GPC5: variants seen among roughly 807,000 people sequenced by gnomAD.
GPC5 encodes the protein glypican-5.
In GPC5, 47 loss-of-function variants were observed where a neutral mutation model predicts 53.9. The observed-to-expected ratio is 0.87, with a 90% CI of 0.69 to 1.11. The LOEUF (loss-of-function observed/expected upper bound fraction) is 1.11, where lower values mean the gene tolerates loss of function less well. Ranked by LOEUF, GPC5 falls within the 50% of genes most tolerant of loss-of-function variation. GPC5 has a pLI of 0.00. For missense variants in GPC5, 748 were observed against 713.1 expected, an observed-to-expected ratio of 1.05 and a Z score of -0.56; for synonymous variants, 286 against 263.3, an observed-to-expected ratio of 1.09 and a Z score of -0.84.
At chr13:91,888,426 T>C (rs1435266637) in intron 5 of GPC5, among the ~76,000 whole-genome samples, 1 of 152,212 alleles carries the variant, frequency 6.6e-6, no homozygotes, top group Non-Finnish European at 1.5e-5. Flanking sequence ...ATTAGTTTAT[T>C]ATTCTACCTT....
intron 7 of GPC5, among the ~76,000 whole-genome samples, chr13:92,400,861 G>A (rs190516341): frequency 2.6e-5 from 4 of 152,082 alleles, no homozygotes; most frequent in African/African-American, 9.6e-5. Context: ...CAAATAAAAT[G>A]TTGTCTGAAC....
At chr13:91,996,319 C>T (rs1458371045) in intron 6 of GPC5, 1 of 152,264 alleles carries the variant, frequency 6.6e-6, no homozygotes, top group South Asian at 2.1e-4. Flanking sequence ...CAAACATCTT[C>T]TCTCTAGCCC....
At chr13:91,884,154 G>A (rs1001483404) in intron 5 of GPC5, among the ~76,000 whole-genome samples, 2 of 152,152 alleles carry the variant, frequency 1.3e-5, no homozygotes, top group Non-Finnish European at 2.9e-5. Context: ...TGGTGGGAGT[G>A]TAAATTAGTT....
intron 7 of GPC5, among the ~76,000 whole-genome samples, chr13:92,833,550 G>A (rs1878122172): frequency 6.6e-6 from 1 of 152,104 alleles, no homozygotes; most frequent in Admixed American, 6.6e-5. Context: ...TCTGCACTGT[G>A]AAATATGGCA....
chr13:92,058,883 G>A (rs1181993900), intron 6 of GPC5, among the ~76,000 whole-genome samples: 2 of 152,116 alleles, frequency 1.3e-5, no homozygotes, highest in South Asian at 2.1e-4. Context: ...CACAAAGATT[G>A]GAGCAAATGT....
In GPC5 at chr13:91,478,828, C is replaced by T. The variant is rs1370184017; in HGVS notation, c.325+29906C>T. Among the ~76,000 whole-genome samples, 22 of 56,040 alleles carry T rather than the reference C, an allele frequency of 3.9e-4. 1 individual carries two copies. The highest frequency in any genetic ancestry group is 6.1e-4 in the East Asian group (1 of 1,650). The allele number at this position is 56,040 out of a possible 152,430, so 36.8% of individuals were successfully genotyped here. ...ATATATATATATATATATATACACA[C>T]ACACACATATATATACACATTATAT... On this transcript the variant is annotated intron_variant, in intron 2 of 7. Coordinates refer to ENST00000377067, the MANE Select transcript of GPC5 (RefSeq NM_004466.6).
chr13:92,279,604 G>T (rs185450212), intron 7 of GPC5, among the ~76,000 whole-genome samples: 35 of 151,824 alleles, frequency 2.3e-4, no homozygotes, highest in Middle Eastern at 3.4e-3. Context: ...AGTAGGCTGG[G>T]TATTTTTTTA....
intron 7 of GPC5, among the ~76,000 whole-genome samples, chr13:92,843,034 C>T (rs897281498): frequency 6.6e-6 from 1 of 152,114 alleles, no homozygotes; most frequent in African/African-American, 2.4e-5. Context: ...AGACATTTTT[C>T]CTGCTTTGGA....
intron 4 of GPC5, among the ~76,000 whole-genome samples, chr13:91,733,413 G>A (rs897301568): frequency 7.9e-5 from 12 of 152,148 alleles, no homozygotes; most frequent in South Asian, 4.1e-4. Context: ...GATTACAGGC[G>A]TCAGCCACCG....
At chr13:92,332,650 C>T (rs2139237133) in intron 7 of GPC5, among the ~76,000 whole-genome samples, 1 of 152,122 alleles carries the variant, frequency 6.6e-6, no homozygotes, top group East Asian at 1.9e-4. Context: ...AATAAATGAA[C>T]ATAATTTTCA....
intron 7 of GPC5, among the ~76,000 whole-genome samples, chr13:92,620,751 C>T (rs569975514): frequency 1.3e-5 from 2 of 152,078 alleles, no homozygotes; most frequent in East Asian, 3.9e-4. Flanking sequence ...TACAAATTTA[C>T]AATATATTAG....
chr13:92,515,345 G>A (rs992637333), intron 7 of GPC5, among the ~76,000 whole-genome samples: 5 of 152,138 alleles, frequency 3.3e-5, no homozygotes, highest in African/African-American at 1.2e-4. Context: ...CCAAGAAAGG[G>A]AGTAAAGATA....
intron 7 of GPC5, among the ~76,000 whole-genome samples, chr13:92,810,706 C>T (rs529767120): frequency 6.6e-6 from 1 of 151,676 alleles, no homozygotes. Flanking sequence ...CTTTTGGTAC[C>T]TTGTCACCTA....
chr13:91,839,420 C>A (rs1047973857), intron 5 of GPC5, among the ~76,000 whole-genome samples: 2 of 152,018 alleles, frequency 1.3e-5, no homozygotes, highest in African/African-American at 4.8e-5. Flanking sequence ...TATTTTGCAA[C>A]CGCTTTGGAG....
chr13:92,375,176 C>A (rs897713591), intron 7 of GPC5, among the ~76,000 whole-genome samples: 7 of 152,152 alleles, frequency 4.6e-5, no homozygotes, highest in Non-Finnish European at 8.8e-5. Context: ...GTGAGAGTAT[C>A]TTTGGCTAAG....
Position 92,527,168 on chromosome 13 carries a change from GAAAGAGAA to G in GPC5, c.1562-339112_1562-339105del, listed in dbSNP as rs1399777384. ...AGAAAGAAAGAAAGAAAGAAAGAAAGAAAGAGAAAGAAAGAAGAAAGAAAGAAAGAAAG... is the reference window on the plus strand; with the variant it reads ...AGAAAGAAAGAAAGAAAGAAAGAAAGAGAAAGAAGAAAGAAAGAAAGAAAG... On this transcript the variant is annotated intron_variant, in intron 7 of 7. Coordinates refer to ENST00000377067, the MANE Select transcript of GPC5 (RefSeq NM_004466.6). Among the ~76,000 whole-genome samples the G allele has an allele frequency of 9.7e-4, 104 of 107,158 alleles. 5 individuals carry two copies. The highest frequency in any genetic ancestry group is 1.2e-3 in the Non-Finnish European group (62 of 50,436). 70.3% of individuals were successfully genotyped at this position (107,158 alleles called of 152,430 possible).
At chr13:92,053,552 G>C (rs7490573) in intron 6 of GPC5, among the ~76,000 whole-genome samples, 1 of 151,614 alleles carries the variant, frequency 6.6e-6, no homozygotes, top group Admixed American at 6.6e-5. Context: ...GGTTTGGGTC[G>C]TCTTTCTTTC....
rs555351318 is a variant in GPC5 at position 92,288,080 on chromosome 13, T to C, written c.1561+143091T>C. 7.6e-4 allele frequency among the ~76,000 whole-genome samples: 115 copies of C among 152,250 alleles called. 1 individual carries two copies. Among genetic ancestry groups the C allele is most frequent in the African/African-American group, 2.7e-3 (113 of 41,586 alleles). ...CACTTTTCAGCTCTATTATATCTATTTAAATCTCTCTTCATAATTTCTATT... is the reference window on the plus strand; with the variant it reads ...CACTTTTCAGCTCTATTATATCTATCTAAATCTCTCTTCATAATTTCTATT... On this transcript the variant is annotated intron_variant, in intron 7 of 7. Coordinates refer to ENST00000377067, the MANE Select transcript of GPC5 (RefSeq NM_004466.6).
At chr13:91,564,947 G>A (rs1198130372) in intron 2 of GPC5, among the ~76,000 whole-genome samples, 2 of 149,420 alleles carry the variant, frequency 1.3e-5, no homozygotes, top group Non-Finnish European at 3.0e-5. Flanking sequence ...CTAGGTCATG[G>A]TTAGTTATAT....
Sources: allele counts gnomAD v4.1 joint callset (sites outside exome capture counted in the v4.1 genomes callset), GRCh38; gene constraint gnomAD v4.1.1; transcripts MANE v1.5; gene names NCBI Gene and HGNC (gene_info 2026-07-23, HGNC 2026-07-21).